NEU3: variants seen among roughly 807,000 people sequenced by gnomAD.
The protein encoded by NEU3 is neuraminidase 3.
NEU3 carries 10 observed loss-of-function variants against 11.4 expected under a neutral mutation model. The ratio of observed to expected loss-of-function variants is 0.88; its 90% CI spans 0.54 to 1.49. NEU3 has a LOEUF of 1.49. Among genes scored for constraint, NEU3 ranks in the 40% most tolerant of loss-of-function variants. The pLI, the probability that NEU3 is intolerant of heterozygous loss-of-function variation, is 0.00. For missense variants in NEU3, 529 were observed against 581.8 expected, an observed-to-expected ratio of 0.91 and a Z score of 0.93; for synonymous variants, 212 against 228.2, an observed-to-expected ratio of 0.93 and a Z score of 0.64.
At chr11:74,998,621 A>G (rs1948815543) in intron 2 of NEU3, among the ~76,000 whole-genome samples, 1 of 152,194 alleles carries the variant, frequency 6.6e-6, no homozygotes, top group Non-Finnish European at 1.5e-5. Flanking sequence ...CTTCATATCC[A>G]CAGCAGATAA....
downstream of NEU3, among the ~76,000 whole-genome samples, chr11:75,011,330 T>G (rs1948954108): frequency 6.6e-6 from 1 of 152,224 alleles, no homozygotes; most frequent in Admixed American, 6.5e-5. Flanking sequence ...TTAACTTAAC[T>G]GCTAATTTTT....
chr11:74,986,833 TTTCTACATTCTTAAG>T (rs2140228055), upstream of NEU3, among the ~76,000 whole-genome samples: 1 of 152,340 alleles, frequency 6.6e-6, no homozygotes, highest in South Asian at 2.1e-4. Context: ...TGTTCTTCCT[TTTCTACATTCTTAAG>T]TTAGATCCTT....
At chr11:75,013,254 A>G (rs1181362880), downstream of NEU3, among the ~76,000 whole-genome samples, 1 of 152,176 alleles carries the variant, frequency 6.6e-6, no homozygotes, top group Non-Finnish European at 1.5e-5. Context: ...CCCTCACCAG[A>G]GAGTGGTGTA....
chr11:74,989,195 C>A, intron 1 of NEU3, 41 bp downstream of exon 1: 2 of 1,489,690 alleles, frequency 1.3e-6, no homozygotes, highest in Non-Finnish European at 9.2e-7. Context: ...CCGAGGAGGA[C>A]TCAACTGTGG....
chr11:75,002,287 A>G (rs937563370), intron 2 of NEU3, among the ~76,000 whole-genome samples: 22 of 152,246 alleles, frequency 1.4e-4, no homozygotes, highest in African/African-American at 4.8e-4. Context: ...TCCTGGCCTC[A>G]GGCAAATGGC....
At chr11:74,999,131 CTGTT>C (rs5792677) in intron 2 of NEU3, among the ~76,000 whole-genome samples, 38,738 of 151,776 alleles carry the variant, frequency 0.26, 5,781 homozygotes, top group East Asian at 0.54. Context: ...TTTTAACTGT[CTGTT>C]TGTCTGTCTG....
chr11:75,014,805 G>T (rs1948974101), downstream of NEU3, among the ~76,000 whole-genome samples: 1 of 152,130 alleles, frequency 6.6e-6, no homozygotes, highest in Non-Finnish European at 1.5e-5. Context: ...GGTTGAGGCT[G>T]CTGTGAGCTG....
Position 74,989,023 on chromosome 11 carries a change from C to T in NEU3, c.-38C>T. ...TCTATCCTCCTCTGTCTCAGTCTCCCCAGCCTTGGGGCCGGTGCCTCTTCC... is the reference window on the plus strand; with the variant it reads ...TCTATCCTCCTCTGTCTCAGTCTCCTCAGCCTTGGGGCCGGTGCCTCTTCC... On this transcript the variant is annotated 5_prime_UTR_variant, in exon 1 of 3. Transcript: ENST00000294064. The T allele has an allele frequency of 6.7e-7, 1 of 1,492,486 alleles. No homozygotes were observed. Among genetic ancestry groups the T allele is most frequent in the East Asian group, 2.5e-5 (1 of 40,358 alleles). 92.5% of individuals were successfully genotyped at this position (1,492,486 alleles called of 1,614,324 possible).
chr11:74,990,471 C>T (rs1948718425), intron 1 of NEU3, among the ~76,000 whole-genome samples: 1 of 152,144 alleles, frequency 6.6e-6, no homozygotes, highest in Admixed American at 6.5e-5. Flanking sequence ...ATTCTCCTGC[C>T]TCAGCCTCCC....
At chr11:74,984,960 G>A (rs1156639735), upstream of NEU3, among the ~76,000 whole-genome samples, 1 of 152,136 alleles carries the variant, frequency 6.6e-6, no homozygotes, top group Non-Finnish European at 1.5e-5. Flanking sequence ...TAAATAAGTT[G>A]CCGAGATCAC....
chr11:74,980,559 T>C, the NEU3 span, among the ~76,000 whole-genome samples: 2 of 152,204 alleles, frequency 1.3e-5, no homozygotes, highest in Admixed American at 6.5e-5. Context: ...AAACTGTTAA[T>C]AGCACGTTAA....
intron 2 of NEU3, among the ~76,000 whole-genome samples, chr11:74,997,484 T>A (rs928541876): frequency 2.0e-5 from 3 of 152,170 alleles, no homozygotes; most frequent in Non-Finnish European, 2.9e-5. Context: ...TTTCTCCCTA[T>A]CAGCAATAAG....
chr11:74,989,955 G>A (rs949429813), intron 1 of NEU3: 1 of 702,342 alleles, frequency 1.4e-6, no homozygotes, highest in Admixed American at 2.0e-5. Flanking sequence ...TTTCTATCCC[G>A]TTTCCAGCAC....
At chr11:74,999,902 C>T (rs1220279014) in intron 2 of NEU3, among the ~76,000 whole-genome samples, 1 of 152,210 alleles carries the variant, frequency 6.6e-6, no homozygotes, top group Non-Finnish European at 1.5e-5. Context: ...CTGGGCTAAA[C>T]AGCTTCAGTT....
intron 2 of NEU3, among the ~76,000 whole-genome samples, chr11:74,996,165 A>G (rs957486378): frequency 6.6e-6 from 1 of 152,194 alleles, no homozygotes; most frequent in Middle Eastern, 3.4e-3. Context: ...CCCCAACAAG[A>G]AATAAGACAA....
chr11:75,013,474 C>T (rs1220427314), downstream of NEU3, among the ~76,000 whole-genome samples: 1 of 152,144 alleles, frequency 6.6e-6, no homozygotes, highest in Non-Finnish European at 1.5e-5. Flanking sequence ...GGTGGACGAC[C>T]GTCATGCCTT....
At chr11:74,995,262 T>C (rs1275619451) in intron 2 of NEU3, among the ~76,000 whole-genome samples, 2 of 152,222 alleles carry the variant, frequency 1.3e-5, no homozygotes, top group African/African-American at 4.8e-5. Flanking sequence ...CTTCTACTAC[T>C]AAATGCTGTA....
At chr11:74,994,000 A>ATCAAACCAGATATTTGTATTTG (rs1310400157) in intron 1 of NEU3, among the ~76,000 whole-genome samples, 4 of 152,140 alleles carry the variant, frequency 2.6e-5, no homozygotes, top group Non-Finnish European at 4.4e-5. Flanking sequence ...GGGGACAAAT[A>ATCAAACCAGATATTTGTATTTG]TCAAACCAGA....
upstream of NEU3, among the ~76,000 whole-genome samples, chr11:74,986,624 C>T (rs1006118534): frequency 5.9e-5 from 9 of 152,098 alleles, no homozygotes; most frequent in African/African-American, 1.9e-4. Flanking sequence ...TCTGTTGTAT[C>T]CCTGCATATA....
Sources: gnomAD v4.1 joint callset for allele counts (sites outside exome capture counted in the v4.1 genomes callset) on GRCh38, gnomAD v4.1.1 for gene constraint, MANE v1.5 for transcripts, NCBI Gene and HGNC (gene_info 2026-07-23, HGNC 2026-07-21) for gene names.